The following ITFG1 variants were observed in gnomAD, a reference collection of about 807,000 sequenced individuals.
The protein encoded by ITFG1 is T-cell immunomodulatory protein.
ITFG1 carries 34 observed loss-of-function variants against 81.8 expected under a neutral mutation model. The observed-to-expected ratio is 0.42, with a 90% confidence interval of 0.32 to 0.55. The LOEUF is 0.55. ITFG1 is among the 20% of genes least tolerant of loss of function. The pLI, the probability that ITFG1 is intolerant of heterozygous loss-of-function variation, is 0.17. For synonymous variants in ITFG1, 285 were observed against 270.6 expected, an observed-to-expected ratio of 1.05 and a Z score of -0.52; for missense variants, 672 against 755.4, an observed-to-expected ratio of 0.89 and a Z score of 1.29.
intron 10 of ITFG1, among the ~76,000 whole-genome samples, chr16:47,268,851 A>G (rs1447819946): frequency 6.6e-6 from 1 of 152,260 alleles, no homozygotes; most frequent in African/African-American, 2.4e-5. Context: ...AAGTTCCTTT[A>G]ATATTCAAAA....
chr16:47,230,645 C>T (rs1490203859), intron 13 of ITFG1, among the ~76,000 whole-genome samples: 1 of 152,148 alleles, frequency 6.6e-6, no homozygotes, highest in East Asian at 1.9e-4. Flanking sequence ...AGGTGTGACC[C>T]ACAGCACAGC....
chr16:47,326,227 T>C (rs1030564919), intron 8 of ITFG1, among the ~76,000 whole-genome samples: 1 of 152,176 alleles, frequency 6.6e-6, no homozygotes, highest in Admixed American at 6.5e-5. Flanking sequence ...AAAAACCACA[T>C]GATTATCTCA....
intron 8 of ITFG1, among the ~76,000 whole-genome samples, chr16:47,314,578 G>C (rs1967322801): frequency 6.6e-6 from 1 of 152,144 alleles, no homozygotes; most frequent in African/African-American, 2.4e-5. Context: ...TGAGGTTATG[G>C]AGGAAGTTAG....
chr16:47,242,333 C>CAA (rs60088139), intron 12 of ITFG1, among the ~76,000 whole-genome samples: 85 of 131,150 alleles, frequency 6.5e-4, no homozygotes, highest in African/African-American at 2.1e-3. Context: ...TGCAAATAAT[C>CAA]AAAAAAAAAA....
At chr16:47,353,919 GA>G (rs1316215689) in intron 8 of ITFG1, among the ~76,000 whole-genome samples, 2 of 152,076 alleles carry the variant, frequency 1.3e-5, no homozygotes, top group African/African-American at 4.8e-5. Flanking sequence ...CTGTGTTCAT[GA>G]ATCGCAAGAA....
chr16:47,170,131 T>C (rs1020991032), intron 14 of ITFG1, among the ~76,000 whole-genome samples: 27 of 152,248 alleles, frequency 1.8e-4, no homozygotes, highest in East Asian at 1.9e-4. Flanking sequence ...TATGGGATAC[T>C]GGTCTGTAGC....
chr16:47,309,621 C>T (rs1309481406), intron 10 of ITFG1, among the ~76,000 whole-genome samples: 1 of 152,154 alleles, frequency 6.6e-6, no homozygotes, highest in Admixed American at 6.5e-5. Flanking sequence ...TCCTTCAATT[C>T]TCATCCATCT....
At chr16:47,283,069 G>A (rs1399211598) in intron 10 of ITFG1, among the ~76,000 whole-genome samples, 1 of 152,014 alleles carries the variant, frequency 6.6e-6, no homozygotes, top group Non-Finnish European at 1.5e-5. Context: ...TTGCTATGTA[G>A]ATAAGCCTTT....
At chr16:47,315,639 A>AC (rs1200093489) in intron 8 of ITFG1, among the ~76,000 whole-genome samples, 1 of 152,110 alleles carries the variant, frequency 6.6e-6, no homozygotes, top group Non-Finnish European at 1.5e-5. Context: ...TACCTAGTAA[A>AC]CATATATCTA....
At chr16:47,430,496 T>G (rs1200518372) in intron 5 of ITFG1, among the ~76,000 whole-genome samples, 1 of 152,228 alleles carries the variant, frequency 6.6e-6, no homozygotes, top group East Asian at 1.9e-4. Context: ...CATGAAAATT[T>G]GCCTGTTTTC....
chr16:47,362,051 C>G (rs1031475491), intron 8 of ITFG1, among the ~76,000 whole-genome samples: 1 of 152,296 alleles, frequency 6.6e-6, no homozygotes, highest in Non-Finnish European at 1.5e-5. Context: ...ATCCAGCTCC[C>G]TCTCCTGATT....
intron 14 of ITFG1, among the ~76,000 whole-genome samples, chr16:47,216,815 C>A (rs1271546757): frequency 6.6e-6 from 1 of 151,876 alleles, no homozygotes; most frequent in Non-Finnish European, 1.5e-5. Flanking sequence ...GCGACCGCCA[C>A]CACGTGCAGC....
At chr16:47,185,926 A>T (rs1965206492) in intron 14 of ITFG1, among the ~76,000 whole-genome samples, 1 of 152,232 alleles carries the variant, frequency 6.6e-6, no homozygotes. Context: ...GATAAAGGGG[A>T]TATCACCACC....
chr16:47,177,449 T>C (rs1402682882), intron 14 of ITFG1, among the ~76,000 whole-genome samples: 4 of 152,262 alleles, frequency 2.6e-5, no homozygotes, highest in East Asian at 3.9e-4. Flanking sequence ...AGCAATTAAA[T>C]TGGAGTTTAT....
chr16:47,352,337 A>G (rs1004692910), intron 8 of ITFG1, among the ~76,000 whole-genome samples: 15 of 152,242 alleles, frequency 9.9e-5, no homozygotes, highest in African/African-American at 3.6e-4. Flanking sequence ...TCCCAAATCT[A>G]CAATGAACTC....
intron 8 of ITFG1, among the ~76,000 whole-genome samples, chr16:47,330,299 T>C (rs1967619514): frequency 6.6e-6 from 1 of 151,998 alleles, no homozygotes; most frequent in Admixed American, 6.6e-5. Flanking sequence ...GAACTGAAGA[T>C]GGATTAAAGA....
chr16:47,163,576 G>A (rs544205718), intron 14 of ITFG1, among the ~76,000 whole-genome samples: 8 of 151,980 alleles, frequency 5.3e-5, no homozygotes, highest in African/African-American at 1.9e-4. Flanking sequence ...TCCATTTTTG[G>A]TTACTATGAA....
At chr16:47,377,964 A>C (rs74764402) in intron 6 of ITFG1, among the ~76,000 whole-genome samples, 3,557 of 152,296 alleles carry the variant, frequency 0.023, 69 homozygotes, top group Middle Eastern at 0.048. Flanking sequence ...CTTTAAATGG[A>C]AAGTCTTGGG....
At chr16:47,338,462 G>A (rs1967738463) in intron 8 of ITFG1, among the ~76,000 whole-genome samples, 1 of 151,780 alleles carries the variant, frequency 6.6e-6, no homozygotes, top group Non-Finnish European at 1.5e-5. Context: ...AAAAACCCTA[G>A]CAAACGATGG....
Sources: gnomAD v4.1 joint callset for allele counts (sites outside exome capture counted in the v4.1 genomes callset) on GRCh38, gnomAD v4.1.1 for gene constraint, MANE v1.5 for transcripts, NCBI Gene and HGNC (gene_info 2026-07-23, HGNC 2026-07-21) for gene names.